The following PCDHGB7 variants were observed in gnomAD, a reference collection of about 807,000 sequenced individuals.
PCDHGB7 encodes the protein protocadherin gamma-B7.
In PCDHGB7, 37 loss-of-function variants were observed where a neutral mutation model predicts 61.4. That is an observed-to-expected ratio of 0.60 (90% CI 0.46 to 0.79). PCDHGB7 has a LOEUF of 0.79. Ranked by LOEUF, PCDHGB7 falls within the 30% of genes least tolerant of loss-of-function variation. The pLI is 0.00. For synonymous variants in PCDHGB7, 464 were observed against 503.5 expected (o/e 0.92, Z 1.05); for missense variants, 1,166 against 1,202.5 (o/e 0.97, Z 0.45).
At chr5:141,446,891 C>A (rs1457416718) in intron 1 of PCDHGB7, among the ~76,000 whole-genome samples, 1 of 152,152 alleles carries the variant, frequency 6.6e-6, no homozygotes, top group Non-Finnish European at 1.5e-5. Context: ...GGGTTCATGG[C>A]TGAGCTACTT....
intron 1 of PCDHGB7, among the ~76,000 whole-genome samples, chr5:141,449,205 A>G (rs991001366): frequency 6.6e-6 from 1 of 152,164 alleles, no homozygotes; most frequent in Admixed American, 6.5e-5. Context: ...GTTAATTCTA[A>G]CTTTCTGTTT....
At position 141,490,776 on chromosome 5, in the gene PCDHGB7, G is replaced by A. The variant is rs1234115299; in HGVS notation, c.2416-4031G>A. 4.3e-6 allele frequency: 7 copies of A among 1,614,162 alleles called. No individual in the cohort carries two copies. Among genetic ancestry groups the A allele is most frequent in the African/African-American group, 1.3e-5 (1 of 75,066 alleles). On this transcript the variant is annotated intron_variant, in intron 1 of 3. Transcript: ENST00000398594. This position sits in a 1 kb window ranked among gnomAD's most constrained non-coding sequence, Gnocchi z 5.4. ...CCTCCTTTGTGTATGTCAACCCAGA[G>A]GATGGACGGATCTTTGCCCAGCGTA...
Position 141,431,529 on chromosome 5 carries a change from T to C in PCDHGB7, c.2415+11255T>C, listed in dbSNP as rs145601545. 166 of 1,614,074 alleles carry C rather than the reference T, an allele frequency of 1.0e-4. No individual in the cohort carries two copies. In the African/African-American group the frequency reaches 2.0e-3, roughly 19 times the overall value. On this transcript the variant is annotated intron_variant, in intron 1 of 3. Coordinates refer to ENST00000398594, the MANE Select transcript of PCDHGB7 (RefSeq NM_018927.4). The surrounding 1 kb of genome is among the most constrained non-coding windows in gnomAD (Gnocchi z 4.8). The stretch of plus-strand genomic sequence containing the variant: ...GCGAGCGTTCCGGAGAATCTGGCCT[T>C]GGGCACGCAGCTGCTTGTAGTCAAC...
intron 1 of PCDHGB7, among the ~76,000 whole-genome samples, chr5:141,455,997 A>C (rs1373055623): frequency 1.3e-5 from 2 of 151,626 alleles, no homozygotes. Context: ...TCTCGGGTTC[A>C]TGCCATTCTC....
In PCDHGB7 at chr5:141,486,805, C is replaced by A; in HGVS notation, c.2416-8002C>A. On this transcript the variant is annotated intron_variant, in intron 1 of 3. Transcript: ENST00000398594. The surrounding 1 kb of genome is among the most constrained non-coding windows in gnomAD (Gnocchi z 5.0). ...AGGCCCGGGATCGGGGCAACCCACC[C>A]CTTAGCAGCACTGTAACAGTTCGTC... 1.2e-6 allele frequency: 2 copies of A among 1,614,242 alleles called. No homozygotes were observed. Among genetic ancestry groups the A allele is most frequent in the Admixed American group, 1.7e-5 (1 of 60,034 alleles).
At chr5:141,462,020 T>G (rs1371390043) in intron 1 of PCDHGB7, among the ~76,000 whole-genome samples, 6 of 152,110 alleles carry the variant, frequency 3.9e-5, no homozygotes, top group Non-Finnish European at 8.8e-5. Flanking sequence ...ACGGGGTTTC[T>G]TCATGTTGGT....
At chr5:141,503,005 G>A (rs915064303) in intron 2 of PCDHGB7, among the ~76,000 whole-genome samples, 16 of 145,340 alleles carry the variant, frequency 1.1e-4, no homozygotes, top group African/African-American at 2.3e-4. Flanking sequence ...CACCATGCCC[G>A]GTTAATTTTT....
intron 1 of PCDHGB7, among the ~76,000 whole-genome samples, chr5:141,472,015 T>C (rs2099269555): frequency 6.6e-6 from 1 of 152,164 alleles, no homozygotes; most frequent in African/African-American, 2.4e-5. Flanking sequence ...AGGGGCACTA[T>C]ATTGTATGTA....
At chr5:141,469,964 G>T (rs974494589) in intron 1 of PCDHGB7, among the ~76,000 whole-genome samples, 2 of 152,002 alleles carry the variant, frequency 1.3e-5, no homozygotes, top group Non-Finnish European at 2.9e-5. Flanking sequence ...AACCCCATCT[G>T]TACCAAAAAT....
In PCDHGB7 at chr5:141,450,775, C is replaced by T. The variant is rs561501224; in HGVS notation, c.2415+30501C>T. ...GTGCCGGGATTACAGGCATGAGCCA[C>T]CGTGCCCGGACCTCATGATTGTATT... On this transcript the variant is annotated intron_variant, in intron 1 of 3. Coordinates refer to ENST00000398594, the MANE Select transcript of PCDHGB7 (RefSeq NM_018927.4). Among the ~76,000 whole-genome samples the T allele has an allele frequency of 2.3e-3, 352 of 151,748 alleles. 1 individual carries two copies. The highest frequency in any genetic ancestry group is 4.5e-3 in the Non-Finnish European group (306 of 67,958).
At chr5:141,469,610 AAAAT>A (rs1360697662) in intron 1 of PCDHGB7, among the ~76,000 whole-genome samples, 1 of 152,194 alleles carries the variant, frequency 6.6e-6, no homozygotes, top group Non-Finnish European at 1.5e-5. Context: ...TAAGTAAAAT[AAAAT>A]AAATGTTTGT....
chr5:141,478,435 G>A, intron 1 of PCDHGB7: 1 of 1,613,736 alleles, frequency 6.2e-7, no homozygotes, highest in Non-Finnish European at 8.5e-7. Context: ...ACCCGCTGCT[G>A]AAGAAACCTG....
intron 1 of PCDHGB7, chr5:141,426,867 G>A (rs1436078091): frequency 4.4e-6 from 2 of 456,708 alleles, no homozygotes; most frequent in Non-Finnish European, 8.8e-6. Flanking sequence ...ATTAGTGCTG[G>A]AGAAGCCCCT....
chr5:141,493,962 T>C lies in PCDHGB7; in HGVS notation c.2416-845T>C, dbSNP rs550317675. 6.6e-6 allele frequency among the ~76,000 whole-genome samples: 1 copy of C among 152,320 alleles called. No homozygotes were observed. Among genetic ancestry groups the C allele is most frequent in the African/African-American group, 2.4e-5 (1 of 41,578 alleles). ...AGAAGGGACTCAGGAATGAAGTGGC[T>C]GGCCAGAGCCCCACACCTTCAGCTA... is the stretch of plus-strand genomic sequence containing the variant. On this transcript the variant is annotated intron_variant, in intron 1 of 3. Coordinates refer to ENST00000398594, the MANE Select transcript of PCDHGB7 (RefSeq NM_018927.4). This position sits in a 1 kb window ranked among gnomAD's most constrained non-coding sequence, Gnocchi z 4.3.
Position 141,485,089 on chromosome 5 carries a change from G to A in PCDHGB7, c.2416-9718G>A. The stretch of plus-strand genomic sequence containing the variant: ...GAGCTGGCGCGGGGAAAGGGAGATA[G>A]GTGTCTCCAGCTGCTGTGGCTGTTT... On this transcript the variant is annotated intron_variant, in intron 1 of 3. Coordinates refer to ENST00000398594, the MANE Select transcript of PCDHGB7 (RefSeq NM_018927.4). This position sits in a 1 kb window ranked among gnomAD's most constrained non-coding sequence, Gnocchi z 5.7. 1 of 1,027,236 alleles carries A rather than the reference G, an allele frequency of 9.7e-7. No homozygotes were observed. The highest frequency in any genetic ancestry group is 1.5e-6 in the Non-Finnish European group (1 of 674,564). 63.6% of individuals were successfully genotyped at this position (1,027,236 alleles called of 1,614,324 possible). A position where few individuals can be genotyped will look rare whatever the true frequency, so the allele number is the denominator to read the frequency against.
At chr5:141,436,439 A>G (rs1481744238) in intron 1 of PCDHGB7, among the ~76,000 whole-genome samples, 5 of 152,208 alleles carry the variant, frequency 3.3e-5, no homozygotes, top group African/African-American at 1.2e-4. Flanking sequence ...TCTGGGGATT[A>G]CCTGATACCA....
chr5:141,461,347 G>C (rs2154567331), intron 1 of PCDHGB7, among the ~76,000 whole-genome samples: 1 of 152,242 alleles, frequency 6.6e-6, no homozygotes, highest in Admixed American at 6.5e-5. Flanking sequence ...GGACCAAGGT[G>C]GTAGCTCGTT....
At chr5:141,427,780 T>C (rs2097069858) in intron 1 of PCDHGB7, 1 of 1,456,004 alleles carries the variant, frequency 6.9e-7, no homozygotes. Flanking sequence ...CTGCGGGCAC[T>C]GTCGTCCTAC....
chr5:141,455,593 C>T (rs957677108), intron 1 of PCDHGB7, among the ~76,000 whole-genome samples: 4 of 152,070 alleles, frequency 2.6e-5, no homozygotes, highest in Non-Finnish European at 5.9e-5. Flanking sequence ...AATATGCAAA[C>T]GTAGGGCGCC....
Sources: allele counts gnomAD v4.1 joint callset (sites outside exome capture counted in the v4.1 genomes callset), GRCh38; gene constraint gnomAD v4.1.1; non-coding constraint Gnocchi (gnomAD v3.1); transcripts MANE v1.5; gene names NCBI Gene and HGNC (gene_info 2026-07-23, HGNC 2026-07-21).